SERHL2: variants seen among roughly 807,000 people sequenced by gnomAD.
SERHL2 encodes the protein serine hydrolase like 2, also known as serine hydrolase-like protein 2.
A neutral mutation model predicts 25.5 loss-of-function variants in SERHL2; 29 were observed. The observed-to-expected ratio is 1.14, with a 90% CI of 0.85 to 1.55. SERHL2 has a LOEUF of 1.55. SERHL2 is among the 40% of genes most tolerant of loss of function. The pLI, the probability that SERHL2 is intolerant of heterozygous loss-of-function variation, is 0.00. For synonymous variants in SERHL2, 95 were observed against 103.5 expected, an observed-to-expected ratio of 0.92 and a Z score of 0.50; for missense variants, 240 against 252.3, an observed-to-expected ratio of 0.95 and a Z score of 0.33.
At chr22:42,565,670 A>G (rs899827639) in intron 8 of SERHL2, among the ~76,000 whole-genome samples, 4 of 151,156 alleles carry the variant, frequency 2.6e-5, no homozygotes, top group African/African-American at 9.7e-5. Flanking sequence ...GTCCTGCTCC[A>G]TTGCCCACGC....
intron 8 of SERHL2, among the ~76,000 whole-genome samples, chr22:42,561,487 G>A (rs1004641766): frequency 1.3e-5 from 2 of 151,366 alleles, no homozygotes; most frequent in South Asian, 4.2e-4. Context: ...ACCTGGGGGC[G>A]GGGGTGGGGG....
chr22:42,563,550 C>A, intron 8 of SERHL2: 1 of 272,308 alleles, frequency 3.7e-6, no homozygotes, highest in South Asian at 2.9e-5. Flanking sequence ...CCTGAAGCCC[C>A]GTGCTGTGGG....
chr22:42,556,508 TC>T lies in SERHL2; in HGVS notation c.349-5del. 6.2e-7 allele frequency: 1 copy of T among 1,613,310 alleles called. No individual in the cohort carries two copies. The highest frequency in any genetic ancestry group is 8.5e-7 in the Non-Finnish European group (1 of 1,179,444). On this transcript the variant is annotated splice_region_variant and splice_polypyrimidine_tract_variant and intron_variant, in intron 5 of 11. Transcript: ENST00000327678. Reference sequence around the variant, plus strand: ...TATTCATTCTCCCCTTTTGGCATCCTCACAGTTTTTCTGTACCTTCCCCGAG... The same window carrying T: ...TATTCATTCTCCCCTTTTGGCATCCTACAGTTTTTCTGTACCTTCCCCGAG...
intron 10 of SERHL2, chr22:42,571,980 G>A (rs927656283): frequency 3.3e-5 from 5 of 151,350 alleles, no homozygotes; most frequent in African/African-American, 7.3e-5. Flanking sequence ...GTCCGCGTAA[G>A]CTCAGAGGTT....
At chr22:42,572,372 G>C (rs1225614605) in intron 10 of SERHL2, 64 bp from the exon 11 acceptor site, 8 of 1,219,476 alleles carry the variant, frequency 6.6e-6, no homozygotes, top group African/African-American at 1.5e-5. Context: ...AGGGCAGGAT[G>C]GGGGCACCGC....
intron 11 of SERHL2, chr22:42,572,830 A>G (rs941741266): frequency 8.1e-5 from 39 of 484,308 alleles, no homozygotes; most frequent in Non-Finnish European, 1.6e-5. Context: ...ATGCCCAGCT[A>G]ATTTTTATAT....
chr22:42,554,750 C>T (rs1462857603), intron 1 of SERHL2, among the ~76,000 whole-genome samples, 188 bp from the exon 2 acceptor site: 1 of 150,194 alleles, frequency 6.7e-6, no homozygotes, highest in African/African-American at 2.5e-5. Flanking sequence ...CTTCTCTGTC[C>T]CTCCTCTGGG....
At chr22:42,559,963 C>T (rs530199658) in intron 7 of SERHL2, among the ~76,000 whole-genome samples, 7 of 151,936 alleles carry the variant, frequency 4.6e-5, no homozygotes, top group East Asian at 2.0e-4. Flanking sequence ...AGGCACATGC[C>T]ACCATGTCCA....
In SERHL2 at chr22:42,560,179, C is replaced by G. The variant is rs774403506; in HGVS notation, c.534-7C>G. The G allele has an allele frequency of 1.9e-5, 31 of 1,608,888 alleles. 1 individual carries two copies. Among genetic ancestry groups the G allele is most frequent in the South Asian group, 5.5e-5 (5 of 91,040 alleles). Reference sequence around the variant, plus strand: ...CAGGCACCCAGCATCCTTCTGTCTCCCCCCAGGTTACTGAAGAGCAATAGC... The same window carrying G: ...CAGGCACCCAGCATCCTTCTGTCTCGCCCCAGGTTACTGAAGAGCAATAGC... On this transcript the variant is annotated splice_polypyrimidine_tract_variant and splice_region_variant and intron_variant, in intron 7 of 11. Coordinates refer to ENST00000327678, the MANE Select transcript of SERHL2 (RefSeq NM_014509.5).
rs1442097169 is a variant in SERHL2 at position 42,553,994 on chromosome 22, C to T, written c.-27C>T. ...GACCTAGCCAGGCGTGAGGGAGTGA[C>T]AGCAGCGCATTCGCGGGACGAGAGC... On this transcript the variant is annotated 5_prime_UTR_variant, in exon 1 of 12. Coordinates refer to ENST00000327678, the MANE Select transcript of SERHL2 (RefSeq NM_014509.5). The T allele has an allele frequency of 6.2e-7, 1 of 1,613,252 alleles. No individual in the cohort carries two copies. Among genetic ancestry groups the T allele is most frequent in the Non-Finnish European group, 8.5e-7 (1 of 1,179,564 alleles).
intron 11 of SERHL2, chr22:42,573,253 T>TG (rs1216679823): frequency 6.6e-6 from 1 of 150,510 alleles, no homozygotes; most frequent in Non-Finnish European, 1.5e-5. Context: ...CTTTTTTTTT[T>TG]TTTTTTTTGA....
intron 10 of SERHL2, chr22:42,571,474 A>T: frequency 1.5e-6 from 2 of 1,302,456 alleles, no homozygotes; most frequent in East Asian, 3.6e-5. Context: ...GTAAGGCTCC[A>T]TAACCAGTGA....
In SERHL2 at chr22:42,571,139, T is replaced by G; in HGVS notation, c.667T>G (p.Phe223Val). Residue 223 changes from phenylalanine (F) to valine (V), a missense_variant, in exon 10 of 12, where the codon TTC (phenylalanine) becomes GTC (valine). Phe to Val is a conservative substitution (Grantham distance 50). Transcript: ENST00000327678. ...RLAWAENSID[F>V]ISRELCAHSI... Reference sequence around the variant, plus strand: ...TCTGCAGGCAGAGAACAGCATTGACTTCATCAGCAGGGAGCTGTGTGCGCA... The same window carrying G: ...TCTGCAGGCAGAGAACAGCATTGACGTCATCAGCAGGGAGCTGTGTGCGCA... 1 of 1,613,448 alleles carries G rather than the reference T, an allele frequency of 6.2e-7. No homozygotes were observed. The highest frequency in any genetic ancestry group is 8.5e-7 in the Non-Finnish European group (1 of 1,179,652).
At chr22:42,566,192 G>T in intron 8 of SERHL2, 112 bp from the exon 9 acceptor site, 1 of 1,059,564 alleles carries the variant, frequency 9.4e-7, no homozygotes. Flanking sequence ...GGGGCAGGTG[G>T]GAGAAATGGG....
intron 8 of SERHL2, among the ~76,000 whole-genome samples, chr22:42,562,267 T>C (rs991086631): frequency 4.0e-5 from 6 of 151,752 alleles, no homozygotes; most frequent in African/African-American, 1.5e-4. Context: ...AGAGTTCACA[T>C]TCTATTCTGA....
chr22:42,567,856 A>G lies in SERHL2; in HGVS notation c.648+1518A>G, dbSNP rs374002945. Among the ~76,000 whole-genome samples, 25 of 151,398 alleles carry G rather than the reference A, an allele frequency of 1.7e-4. No individual in the cohort carries two copies. The East Asian group carries it at 3.1e-3, about 19-fold the overall frequency. On this transcript the variant is annotated intron_variant, in intron 9 of 11. Transcript: ENST00000327678. Reference sequence around the variant, plus strand: ...AGTGATTCTCCTGTCTCAGCCCCCAAGTAGCTGGGATTACAGGCACCCACC... The same window carrying G: ...AGTGATTCTCCTGTCTCAGCCCCCAGGTAGCTGGGATTACAGGCACCCACC...
At chr22:42,570,867 G>T (rs955117875) in intron 9 of SERHL2, among the ~76,000 whole-genome samples, 6 of 152,058 alleles carry the variant, frequency 3.9e-5, no homozygotes, top group Admixed American at 2.6e-4. Flanking sequence ...AAAGGAGTAT[G>T]GGAAATGGAG....
Position 42,560,207 on chromosome 22 carries a change from C to G in SERHL2, c.555C>G (p.His185Gln). Residue 185 changes from histidine (H) to glutamine (Q), a missense_variant, in exon 8 of 12, where the codon CAC becomes CAG. His to Gln is a conservative substitution (Grantham distance 24). Around this residue, in one of 4 missense-constraint regions of SERHL2, gnomAD observed 212 missense variants for 168.9 expected, o/e 1.25. Transcript: ENST00000327678. Reference sequence around the variant, plus strand: ...CCAGGTTACTGAAGAGCAATAGCCACTTGAGTGAGGAGTGCGGGGAGCTTC... The same window carrying G: ...CCAGGTTACTGAAGAGCAATAGCCAGTTGAGTGAGGAGTGCGGGGAGCTTC... ...LLQRLLKSNS[H>Q]LSEECGELLL... is the part of the protein sequence containing the mutation. 1 of 1,612,920 alleles carries G rather than the reference C, an allele frequency of 6.2e-7. No homozygotes were observed. The highest frequency in any genetic ancestry group is 8.5e-7 in the Non-Finnish European group (1 of 1,179,148).
intron 9 of SERHL2, among the ~76,000 whole-genome samples, chr22:42,567,325 A>G (rs1386129145): frequency 1.3e-5 from 2 of 151,982 alleles, no homozygotes; most frequent in Non-Finnish European, 2.9e-5. Flanking sequence ...ATGGTGTCAG[A>G]TAGTGATTCA....
Sources: allele counts gnomAD v4.1 joint callset (sites outside exome capture counted in the v4.1 genomes callset), GRCh38; gene constraint gnomAD v4.1.1; regional missense constraint gnomAD v4.1.1; transcripts MANE v1.5; gene names NCBI Gene and HGNC (gene_info 2026-07-23, HGNC 2026-07-21).